GOLM2: variants seen among roughly 807,000 people sequenced by gnomAD.
The protein encoded by GOLM2 is golgi membrane protein 2, also known as protein GOLM2.
A neutral mutation model predicts 55.9 loss-of-function variants in GOLM2; 26 were observed. That is an observed-to-expected ratio of 0.47 (90% CI 0.34 to 0.65). The LOEUF is 0.65. Ranked by LOEUF, GOLM2 falls within the 30% of genes least tolerant of loss-of-function variation. GOLM2 has a pLI of 0.01. For missense variants in GOLM2, 486 were observed against 531.8 expected, an observed-to-expected ratio of 0.91 and a Z score of 0.85; for synonymous variants, 165 against 194.6, an observed-to-expected ratio of 0.85 and a Z score of 1.27.
At chr15:44,359,927 C>G (rs1180554475) in intron 6 of GOLM2, among the ~76,000 whole-genome samples, 1 of 151,958 alleles carries the variant, frequency 6.6e-6, no homozygotes, top group African/African-American at 2.4e-5. Flanking sequence ...AATTTTCAAC[C>G]CAGAATTTCA....
At chr15:44,389,693 G>T (rs1367694405) in intron 8 of GOLM2, among the ~76,000 whole-genome samples, 2 of 152,012 alleles carry the variant, frequency 1.3e-5, no homozygotes, top group African/African-American at 4.8e-5. Flanking sequence ...GTTTTGTTTT[G>T]TTTTTTGAGA....
At chr15:44,331,309 G>A (rs2141139695) in intron 3 of GOLM2, among the ~76,000 whole-genome samples, 1 of 152,264 alleles carries the variant, frequency 6.6e-6, no homozygotes, top group East Asian at 1.9e-4. Flanking sequence ...GAGCCACCCT[G>A]CCTAGCCACA....
At chr15:44,305,544 C>T (rs935427173) in intron 1 of GOLM2, among the ~76,000 whole-genome samples, 7 of 152,088 alleles carry the variant, frequency 4.6e-5, no homozygotes, top group African/African-American at 1.4e-4. Flanking sequence ...AGTGTCCACC[C>T]GCCTCTGTCT....
chr15:44,403,210 T>C, intron 9 of GOLM2, 156 bp downstream of exon 9: 1 of 751,426 alleles, frequency 1.3e-6, no homozygotes, highest in Non-Finnish European at 2.2e-6. Context: ...TTGCCCAGGC[T>C]GGAGTCCAAT....
intron 6 of GOLM2, among the ~76,000 whole-genome samples, chr15:44,379,132 A>G (rs2079384431): frequency 1.3e-5 from 2 of 152,166 alleles, no homozygotes; most frequent in Non-Finnish European, 2.9e-5. Context: ...TGACGAAGAC[A>G]GTTTGTACTG....
At chr15:44,314,455 AG>A (rs1399509288) in intron 1 of GOLM2, among the ~76,000 whole-genome samples, 1 of 151,592 alleles carries the variant, frequency 6.6e-6, no homozygotes, top group African/African-American at 2.4e-5. Flanking sequence ...CCAACTCAGT[AG>A]GCTGAGGTGG....
chr15:44,402,894 C>G lies in GOLM2; in HGVS notation c.1080C>G (p.Phe360Leu). 1 of 1,613,886 alleles carries G rather than the reference C, an allele frequency of 6.2e-7. No individual in the cohort carries two copies. Residue 360 changes from phenylalanine (F) to leucine (L), a missense_variant, in exon 9 of 10, where the codon TTC (phenylalanine) becomes TTG (leucine). Physicochemically the swap from Phe to Leu is conservative, Grantham distance 22. Transcript: ENST00000299957. Reference sequence around the variant, plus strand: ...CCTCTACCTACTTCACAGGCCGATTCTTTGATGAAAATGAATCCCCTGTTG... The same window carrying G: ...CCTCTACCTACTTCACAGGCCGATTGTTTGATGAAAATGAATCCCCTGTTG... ...SDFHKLKQSR[F>L]FDENESPVDP...
chr15:44,411,376 A>G (rs1030770374), intron 9 of GOLM2, among the ~76,000 whole-genome samples: 2 of 152,086 alleles, frequency 1.3e-5, no homozygotes, highest in Non-Finnish European at 2.9e-5. Context: ...TCTCATACCT[A>G]AAGTAATAGT....
Position 44,403,335 on chromosome 15 carries a change from T to C in GOLM2, c.1240+281T>C, listed in dbSNP as rs149659478. Reference sequence around the variant, plus strand: ...GCACCACCACGCCTGGCTAATTTTGTATATTTAGTAGAGACGGGGTTTCTC... The same window carrying C: ...GCACCACCACGCCTGGCTAATTTTGCATATTTAGTAGAGACGGGGTTTCTC... On this transcript the variant is annotated intron_variant, in intron 9 of 9. Transcript: ENST00000299957. Among the ~76,000 whole-genome samples, 787 of 152,128 alleles carry C rather than the reference T, an allele frequency of 5.2e-3. 4 individuals carry two copies. The highest frequency in any genetic ancestry group is 0.023 in the South Asian group (113 of 4,820).
chr15:44,307,720 A>G (rs1237547419), intron 1 of GOLM2: 3 of 152,190 alleles, frequency 2.0e-5, no homozygotes, highest in Non-Finnish European at 2.9e-5. Flanking sequence ...TCCATAATGC[A>G]TGATTAAATG....
chr15:44,332,994 G>A (rs938845514), intron 4 of GOLM2, among the ~76,000 whole-genome samples: 3 of 152,116 alleles, frequency 2.0e-5, no homozygotes, highest in Admixed American at 1.3e-4. Context: ...GTGCAGTGGC[G>A]TGATCTCGGC....
At chr15:44,339,153 A>G (rs1293653414) in intron 6 of GOLM2, among the ~76,000 whole-genome samples, 5 of 152,174 alleles carry the variant, frequency 3.3e-5, no homozygotes, top group Non-Finnish European at 7.4e-5. Flanking sequence ...AAATAAATGA[A>G]ATATTTGTCC....
At chr15:44,369,693 T>TACACACACACACACACAC (rs3986148) in intron 6 of GOLM2, among the ~76,000 whole-genome samples, 2 of 143,520 alleles carry the variant, frequency 1.4e-5, no homozygotes, top group African/African-American at 5.3e-5. Flanking sequence ...TATATATGCA[T>TACACACACACACACACAC]ACACACACAC....
chr15:44,331,532 A>G (rs779916233), intron 3 of GOLM2, among the ~76,000 whole-genome samples: 22 of 152,084 alleles, frequency 1.4e-4, no homozygotes, highest in Non-Finnish European at 3.1e-4. Context: ...CTAGTATTCT[A>G]TGGTTTAGCC....
At chr15:44,303,670 A>G (rs1355372917) in intron 1 of GOLM2, among the ~76,000 whole-genome samples, 1 of 151,560 alleles carries the variant, frequency 6.6e-6, no homozygotes, top group Admixed American at 6.6e-5. Context: ...GACTCAAGCA[A>G]TCCTCCTGCC....
At chr15:44,328,443 A>T (rs1471283678) in intron 2 of GOLM2, among the ~76,000 whole-genome samples, 1 of 152,202 alleles carries the variant, frequency 6.6e-6, no homozygotes, top group African/African-American at 2.4e-5. Context: ...GCACCACTGC[A>T]CTCTAACCTG....
intron 9 of GOLM2, 101 bp downstream of exon 9, chr15:44,403,155 A>AC: frequency 1.5e-6 from 2 of 1,373,968 alleles, no homozygotes; most frequent in Non-Finnish European, 2.0e-6. Flanking sequence ...GTGGCAGTGT[A>AC]ACCTAAATTT....
chr15:44,343,136 C>T (rs1190277325), intron 6 of GOLM2, among the ~76,000 whole-genome samples: 6 of 151,846 alleles, frequency 4.0e-5, no homozygotes, highest in Admixed American at 3.3e-4. Flanking sequence ...GAGTTCAAGA[C>T]CCCCTGGCCA....
intron 6 of GOLM2, among the ~76,000 whole-genome samples, chr15:44,378,334 C>A (rs1483179746): frequency 6.7e-6 from 1 of 148,688 alleles, no homozygotes; most frequent in South Asian, 2.1e-4. Context: ...GAATTATAGG[C>A]GTGAGCCACC....
Sources: allele counts gnomAD v4.1 joint callset (sites outside exome capture counted in the v4.1 genomes callset), GRCh38; gene constraint gnomAD v4.1.1; transcripts MANE v1.5; gene names NCBI Gene and HGNC (gene_info 2026-07-23, HGNC 2026-07-21).